Variants in P3H2 observed in about 807,000 individuals in gnomAD.
P3H2 encodes the protein leprecan-like 1.
Under a neutral mutation model 87.0 loss-of-function variants are expected in P3H2, and 80 were observed. The observed-to-expected ratio is 0.92, with a 90% CI of 0.77 to 1.11. The LOEUF is 1.11. Among genes scored for constraint, P3H2 ranks in the 50% least tolerant of loss-of-function variants. P3H2 has a pLI of 0.00. For synonymous variants in P3H2, 367 were observed against 359.3 expected (o/e 1.02, Z -0.24); for missense variants, 1,001 against 923.9 (o/e 1.08, Z -1.08).
At chr3:190,120,988 G>A (rs1712561669), upstream of P3H2, 1 of 507,068 alleles carries the variant, frequency 2.0e-6, no homozygotes, top group South Asian at 3.1e-5. Context: ...CGCTCTCCCA[G>A]GCTCCCCGCT....
intron 4 of P3H2, 35 bp from the exon 5 acceptor site, chr3:189,987,704 C>T: frequency 6.2e-7 from 1 of 1,613,612 alleles, no homozygotes; most frequent in Non-Finnish European, 8.5e-7. Context: ...TTAGAGTCAG[C>T]CTAGGTCTGT....
intron 1 of P3H2, among the ~76,000 whole-genome samples, chr3:190,069,292 G>T (rs749185894): frequency 3.9e-5 from 6 of 152,080 alleles, no homozygotes; most frequent in Non-Finnish European, 7.4e-5. Flanking sequence ...AAAGGATATT[G>T]CTACCTTCAA....
intron 1 of P3H2, among the ~76,000 whole-genome samples, chr3:190,009,937 T>C (rs1166621636): frequency 1.3e-5 from 2 of 152,154 alleles, no homozygotes; most frequent in African/African-American, 2.4e-5. Flanking sequence ...TTGAAACTTA[T>C]TAAATCTGTG....
intron 8 of P3H2, among the ~76,000 whole-genome samples, chr3:189,976,860 C>A (rs1355222509): frequency 6.6e-6 from 1 of 152,118 alleles, no homozygotes; most frequent in Non-Finnish European, 1.5e-5. Context: ...GTTTCAGTAT[C>A]ACATCTTTTA....
At chr3:190,006,499 T>G (rs1027377328) in intron 1 of P3H2, among the ~76,000 whole-genome samples, 1 of 152,210 alleles carries the variant, frequency 6.6e-6, no homozygotes, top group Non-Finnish European at 1.5e-5. Context: ...ATGACAAGTG[T>G]CTGAGGATAC....
Position 190,117,381 on chromosome 3 carries a change from G to A in P3H2, c.480+2871C>T, listed in dbSNP as rs150463999. On this transcript the variant is annotated intron_variant, in intron 1 of 14. Coordinates refer to ENST00000319332, the MANE Select transcript of P3H2 (RefSeq NM_018192.4). ...GTAACATCTCCTGAGAGCTTCTATAGTTGGAAAATCTCTTAGCTGAGAATA... is the reference window on the plus strand; with the variant it reads ...GTAACATCTCCTGAGAGCTTCTATAATTGGAAAATCTCTTAGCTGAGAATA... Among the ~76,000 whole-genome samples the A allele has an allele frequency of 3.0e-3, 462 of 152,296 alleles. 2 individuals carry two copies. Among genetic ancestry groups the A allele is most frequent in the African/African-American group, 0.01 (430 of 41,552 alleles).
In P3H2 at chr3:189,994,060, A is replaced by C. The variant is rs753762500; in HGVS notation, c.823+34T>G. On this transcript the variant is annotated intron_variant, in intron 3 of 14. Transcript: ENST00000319332. ...AATTGCAAGTAGTATTTTTATAATC[A>C]AGAAAGAAATAAAATGAAAAATTAA... 27 of 1,512,724 alleles carry C rather than the reference A, an allele frequency of 1.8e-5. No individual in the cohort carries two copies. In the African/African-American group the frequency reaches 3.6e-4, roughly 20 times the overall value. 93.7% of individuals were successfully genotyped at this position (1,512,724 alleles called of 1,614,324 possible). A position where few individuals can be genotyped will look rare whatever the true frequency, so the allele number is the denominator to read the frequency against.
Position 189,983,103 on chromosome 3 carries a change from G to T in P3H2, c.1267C>A (p.His423Asn), listed in dbSNP as rs1723588008. The T allele has an allele frequency of 1.2e-6, 2 of 1,613,860 alleles. No homozygotes were observed. The highest frequency in any genetic ancestry group is 1.7e-6 in the Non-Finnish European group (2 of 1,179,876). ...AGCTTTTTTCCCATTGAGAATCCAT[G>T]AACTTCTGCTCCCTCTACGTTCACT... ...SGVNVEGAEVHGFSMGKKLSP... is the reference protein window; with the variant it reads ...SGVNVEGAEVNGFSMGKKLSP... Residue 423 changes from histidine (H) to asparagine (N), a missense_variant, in exon 8 of 15, where the codon CAT becomes AAT. His to Asn is a moderately conservative substitution (Grantham distance 68, BLOSUM62 1). Coordinates refer to ENST00000319332, the MANE Select transcript of P3H2 (RefSeq NM_018192.4).
intron 1 of P3H2, among the ~76,000 whole-genome samples, chr3:190,096,818 A>G (rs939014160): frequency 4.6e-5 from 7 of 152,234 alleles, no homozygotes; most frequent in African/African-American, 1.7e-4. Context: ...TTCAGCTTGG[A>G]AATACCACCT....
intron 1 of P3H2, among the ~76,000 whole-genome samples, chr3:190,017,643 A>G (rs1724809302): frequency 6.6e-6 from 1 of 152,204 alleles, no homozygotes; most frequent in East Asian, 1.9e-4. Flanking sequence ...CCCCTAAGCC[A>G]CAATGTATTA....
chr3:189,996,743 G>A (rs1577262301), intron 1 of P3H2, among the ~76,000 whole-genome samples: 1 of 42,988 alleles, frequency 2.3e-5, no homozygotes, highest in Non-Finnish European at 5.3e-5. Flanking sequence ...TACTTATTAT[G>A]TGTCAATTAA....
intron 1 of P3H2, among the ~76,000 whole-genome samples, chr3:190,051,421 G>C (rs1306486448): frequency 1.3e-5 from 2 of 152,146 alleles, no homozygotes; most frequent in Non-Finnish European, 2.9e-5. Context: ...GTAAAAATTT[G>C]CTCAACTTTT....
In P3H2 at chr3:190,120,818, G is replaced by C. The variant is rs890223387; in HGVS notation, c.-87C>G. The C allele has an allele frequency of 1.4e-6, 2 of 1,464,048 alleles. No individual in the cohort carries two copies. Among genetic ancestry groups the C allele is most frequent in the Non-Finnish European group, 1.8e-6 (2 of 1,110,906 alleles). The allele number at this position is 1,464,048 out of a possible 1,614,324, so 90.7% of individuals were successfully genotyped here. A position where few individuals can be genotyped will look rare whatever the true frequency, so the allele number is the denominator to read the frequency against. On this transcript the variant is annotated 5_prime_UTR_variant, in exon 1 of 15. Transcript: ENST00000319332. ...CGGGTCCCCTCTCCCACCTTCCCTC[G>C]GGGAAGCGCGCCGACTCCGCCGCGA...
intron 1 of P3H2, among the ~76,000 whole-genome samples, chr3:190,094,086 A>C (rs967473767): frequency 1.3e-5 from 2 of 152,356 alleles, no homozygotes; most frequent in Middle Eastern, 3.4e-3. Context: ...ACAATCTGAT[A>C]CACTGTAAAA....
intron 1 of P3H2, among the ~76,000 whole-genome samples, chr3:190,014,495 G>A (rs1215277099): frequency 6.6e-6 from 1 of 152,210 alleles, no homozygotes; most frequent in African/African-American, 2.4e-5. Context: ...GATGAAAGCA[G>A]GCTGCCTAGA....
chr3:190,038,532 A>G (rs1725498883), intron 1 of P3H2, among the ~76,000 whole-genome samples: 1 of 151,060 alleles, frequency 6.6e-6, no homozygotes, highest in Non-Finnish European at 1.5e-5. Flanking sequence ...ACAGGAGTAG[A>G]AAAAAGTCAC....
chr3:190,087,333 G>A (rs1189425070), intron 1 of P3H2, among the ~76,000 whole-genome samples: 2 of 151,856 alleles, frequency 1.3e-5, no homozygotes, highest in Non-Finnish European at 2.9e-5. Flanking sequence ...TCAGGAGATC[G>A]AGACCATCCT....
At chr3:190,121,350 AG>A (rs1291754016), upstream of P3H2, among the ~76,000 whole-genome samples, 4 of 150,628 alleles carry the variant, frequency 2.7e-5, no homozygotes, top group African/African-American at 9.8e-5. Flanking sequence ...AAAAAAAAAA[AG>A]AATAAATAAA....
chr3:190,098,336 TAC>T (rs1711503777), intron 1 of P3H2, among the ~76,000 whole-genome samples: 1 of 152,196 alleles, frequency 6.6e-6, no homozygotes. Context: ...TCAGATTGTG[TAC>T]AGTTTAGGTT....
Sources: gnomAD v4.1 joint callset for allele counts (sites outside exome capture counted in the v4.1 genomes callset) on GRCh38, gnomAD v4.1.1 for gene constraint, MANE v1.5 for transcripts, NCBI Gene and HGNC (gene_info 2026-07-23, HGNC 2026-07-21) for gene names.